The following DCDC1 variants were observed in gnomAD, a reference collection of about 807,000 sequenced individuals.
The protein encoded by DCDC1 is doublecortin domain-containing protein 1.
DCDC1 carries 200 observed loss-of-function variants against 178.3 expected under a neutral mutation model. That is an observed-to-expected ratio of 1.12 (90% confidence interval 1.00 to 1.26). The LOEUF (loss-of-function observed/expected upper bound fraction) is 1.26, where lower values mean the gene tolerates loss of function less well. DCDC1 is among the 50% of genes most tolerant of loss of function. The probability of loss-of-function intolerance (pLI) is 0.00; values close to 1 mark genes in which losing one functional copy is unlikely to be tolerated. For synonymous variants in DCDC1, 690 were observed against 604.8 expected, an observed-to-expected ratio of 1.14 and a Z score of -2.07; for missense variants, 1,983 against 1,749.2, an observed-to-expected ratio of 1.13 and a Z score of -2.38.
chr11:30,943,184 ATTC>A (rs974653706), intron 21 of DCDC1: 3 of 148,682 alleles, frequency 2.0e-5, no homozygotes, highest in African/African-American at 7.4e-5. Context: ...TAAATTGATC[ATTC>A]TTCTTTTTTT....
intron 11 of DCDC1, among the ~76,000 whole-genome samples, chr11:31,117,305 C>T (rs1960104674): frequency 6.6e-6 from 1 of 152,002 alleles, no homozygotes; most frequent in South Asian, 2.1e-4. Flanking sequence ...CAGCCACTAT[C>T]CTGGCTTCAA....
intron 7 of DCDC1, among the ~76,000 whole-genome samples, chr11:31,266,071 T>C (rs971089290): frequency 1.3e-5 from 2 of 151,972 alleles, no homozygotes; most frequent in Non-Finnish European, 2.9e-5. Context: ...AGTACCTACT[T>C]TCCTTAGCTT....
At chr11:31,055,795 C>A (rs1301837723) in intron 20 of DCDC1, among the ~76,000 whole-genome samples, 4 of 152,066 alleles carry the variant, frequency 2.6e-5, no homozygotes, top group Non-Finnish European at 4.4e-5. Flanking sequence ...TATGTGGGAG[C>A]TAAGCTATGA....
At chr11:30,931,302 T>A (rs1203906624) in intron 22 of DCDC1, among the ~76,000 whole-genome samples, 1 of 152,126 alleles carries the variant, frequency 6.6e-6, no homozygotes, top group Non-Finnish European at 1.5e-5. Flanking sequence ...TAAAATGTTA[T>A]TCCAAGGAAG....
chr11:31,187,796 TA>T (rs984535044), intron 9 of DCDC1, among the ~76,000 whole-genome samples: 8 of 152,228 alleles, frequency 5.3e-5, no homozygotes, highest in Admixed American at 3.9e-4. Context: ...ATTCATAGTC[TA>T]ATCACTAATC....
chr11:31,099,413 A>T (rs1350512112), intron 15 of DCDC1, among the ~76,000 whole-genome samples: 1 of 152,158 alleles, frequency 6.6e-6, no homozygotes, highest in East Asian at 1.9e-4. Context: ...GAAAAACCAG[A>T]ATTCCCTAAT....
intron 28 of DCDC1, among the ~76,000 whole-genome samples, 163 bp from the exon 29 acceptor site, chr11:30,909,279 TTA>T (rs2134163672): frequency 6.6e-6 from 1 of 152,314 alleles, no homozygotes; most frequent in South Asian, 2.1e-4. Flanking sequence ...ATGCAATCTT[TTA>T]TATGTTTATA....
At chr11:30,870,689 A>T (rs896497684) in intron 38 of DCDC1, among the ~76,000 whole-genome samples, 1 of 152,178 alleles carries the variant, frequency 6.6e-6, no homozygotes, top group Non-Finnish European at 1.5e-5. Context: ...TATGTTCAGA[A>T]GTGTTACTTA....
chr11:31,182,370 A>G (rs947772387), intron 9 of DCDC1, among the ~76,000 whole-genome samples: 2 of 152,220 alleles, frequency 1.3e-5, no homozygotes, highest in Non-Finnish European at 2.9e-5. Flanking sequence ...TCAGACTAAC[A>G]GCAGATCTCT....
At chr11:31,174,305 G>A (rs1007214235) in intron 9 of DCDC1, among the ~76,000 whole-genome samples, 1 of 152,242 alleles carries the variant, frequency 6.6e-6, no homozygotes, top group Non-Finnish European at 1.5e-5. Context: ...TTGAGGCTGA[G>A]CCCAGGCATT....
chr11:30,925,803 A>G (rs1946555449), intron 22 of DCDC1, among the ~76,000 whole-genome samples: 1 of 152,092 alleles, frequency 6.6e-6, no homozygotes, highest in South Asian at 2.1e-4. Flanking sequence ...TACCTAAAAA[A>G]ATTTTTCCTT....
chr11:31,027,690 T>C (rs1953332126), intron 20 of DCDC1, among the ~76,000 whole-genome samples: 2 of 151,878 alleles, frequency 1.3e-5, no homozygotes, highest in South Asian at 4.1e-4. Flanking sequence ...TAATACATGG[T>C]AAAAACAATT....
intron 9 of DCDC1, among the ~76,000 whole-genome samples, chr11:31,168,957 A>G (rs965825351): frequency 2.0e-5 from 3 of 152,358 alleles, no homozygotes; most frequent in Middle Eastern, 6.8e-3. Context: ...CACACTATTT[A>G]TAACAGCAAA....
intron 20 of DCDC1, among the ~76,000 whole-genome samples, chr11:31,060,682 T>C (rs1337683957): frequency 1.3e-5 from 2 of 152,118 alleles, no homozygotes; most frequent in East Asian, 1.9e-4. Context: ...TTGATTTTTG[T>C]CCTAATGCAA....
At chr11:31,212,531 A>G (rs753049236) in intron 9 of DCDC1, among the ~76,000 whole-genome samples, 8 of 152,240 alleles carry the variant, frequency 5.3e-5, no homozygotes, top group Non-Finnish European at 1.2e-4. Flanking sequence ...GAATGGGTGA[A>G]TTATTAAAAA....
intron 6 of DCDC1, among the ~76,000 whole-genome samples, chr11:31,302,319 T>C (rs1367889998): frequency 2.0e-5 from 3 of 152,176 alleles, no homozygotes; most frequent in African/African-American, 7.2e-5. Context: ...CCAAGAATTT[T>C]CACTGTGTCA....
At chr11:30,959,718 C>T (rs1040139656) in intron 20 of DCDC1, among the ~76,000 whole-genome samples, 6 of 152,130 alleles carry the variant, frequency 3.9e-5, no homozygotes, top group African/African-American at 1.4e-4. Context: ...GTGAGGGGGA[C>T]TCAATGCCTC....
chr11:30,882,101 T>C (rs1445656472), intron 36 of DCDC1: 2 of 153,176 alleles, frequency 1.3e-5, no homozygotes, highest in African/African-American at 2.4e-5. Context: ...AAAATGCAGG[T>C]GCCAAGTCCA....
At chr11:31,069,996 T>G (rs565457332) in intron 18 of DCDC1, among the ~76,000 whole-genome samples, 1 of 152,274 alleles carries the variant, frequency 6.6e-6, no homozygotes, top group African/African-American at 2.4e-5. Flanking sequence ...TTGGCAAAGG[T>G]GGCAGACATA....
Sources: gnomAD v4.1 joint callset for allele counts (sites outside exome capture counted in the v4.1 genomes callset) on GRCh38, gnomAD v4.1.1 for gene constraint, MANE v1.5 for transcripts, NCBI Gene and HGNC (gene_info 2026-07-23, HGNC 2026-07-21) for gene names.